The following AKR1C8 variants were observed in gnomAD, a reference collection of about 807,000 sequenced individuals.
AKR1C8 encodes aldo-keto reductase family 1 member C8.
At chr10:5,139,833 A>G in the AKR1C8 span, among the ~76,000 whole-genome samples, 1 of 152,202 alleles carries the variant, frequency 6.6e-6, no homozygotes, top group African/African-American at 2.4e-5. Context: ...GCACAGCAAA[A>G]GGAACTACCA....
At chr10:5,153,020 C>T in the AKR1C8 span, among the ~76,000 whole-genome samples, 9 of 152,004 alleles carry the variant, frequency 5.9e-5, no homozygotes, top group Non-Finnish European at 1.2e-4. Context: ...ATCAAATATG[C>T]AGCAATGTTA....
chr10:5,162,756 G>A, the AKR1C8 span: 6 of 382,396 alleles, frequency 1.6e-5, no homozygotes, highest in East Asian at 5.9e-5. Context: ...AATATTAGGA[G>A]GTAAATAAAG....
chr10:5,117,756 G>C, the AKR1C8 span, among the ~76,000 whole-genome samples: 1 of 152,010 alleles, frequency 6.6e-6, no homozygotes, highest in Non-Finnish European at 1.5e-5. Flanking sequence ...TTCACAGAGT[G>C]AGAGAGGAAA....
chr10:5,166,307 CA>C, the AKR1C8 span, among the ~76,000 whole-genome samples: 3 of 151,976 alleles, frequency 2.0e-5, no homozygotes, highest in African/African-American at 7.3e-5. Flanking sequence ...CATATGGAAC[CA>C]AAAAAGAGCC....
chr10:5,155,491 A>C, the AKR1C8 span: 1 of 287,646 alleles, frequency 3.5e-6, no homozygotes, highest in South Asian at 3.4e-5. Flanking sequence ...ACTTACAGAC[A>C]CATTTCTGCT....
At chr10:5,148,463 A>G in the AKR1C8 span, among the ~76,000 whole-genome samples, 1 of 152,154 alleles carries the variant, frequency 6.6e-6, no homozygotes, top group South Asian at 2.1e-4. Context: ...AAGTCACAGT[A>G]AGATCTTTGA....
chr10:5,174,066 G>A, the AKR1C8 span, among the ~76,000 whole-genome samples: 1 of 151,730 alleles, frequency 6.6e-6, no homozygotes, highest in African/African-American at 2.4e-5. Flanking sequence ...AAGAATTAGA[G>A]TCAGATAAAT....
chr10:5,120,175 A>C, the AKR1C8 span, among the ~76,000 whole-genome samples: 1 of 152,222 alleles, frequency 6.6e-6, no homozygotes, highest in Non-Finnish European at 1.5e-5. Flanking sequence ...TTCCTGCTGC[A>C]GATAACTAGC....
the AKR1C8 span, among the ~76,000 whole-genome samples, chr10:5,148,337 T>C: frequency 2.6e-5 from 4 of 152,134 alleles, no homozygotes; most frequent in Non-Finnish European, 5.9e-5. Context: ...ATAACACTCA[T>C]GTGCCTCAAA....
At chr10:5,154,124 G>T in the AKR1C8 span, 7 of 468,840 alleles carry the variant, frequency 1.5e-5, no homozygotes, top group African/African-American at 1.2e-4. Context: ...TGGTGGTAAT[G>T]TTCAATAGCT....
the AKR1C8 span, among the ~76,000 whole-genome samples, chr10:5,166,636 T>C: frequency 2.6e-5 from 4 of 152,164 alleles, no homozygotes; most frequent in African/African-American, 4.8e-5. Context: ...CAAAAATTAA[T>C]TTAAGATGGG....
the AKR1C8 span, among the ~76,000 whole-genome samples, chr10:5,120,296 C>A: frequency 6.6e-6 from 1 of 152,120 alleles, no homozygotes; most frequent in Admixed American, 6.5e-5. Context: ...TGGCTCTCAG[C>A]TCTGAAGGCT....
the AKR1C8 span, among the ~76,000 whole-genome samples, chr10:5,134,276 A>G: frequency 6.6e-6 from 1 of 152,150 alleles, no homozygotes; most frequent in Admixed American, 6.6e-5. Context: ...TTTCATTACA[A>G]AGTAAACCGC....
chr10:5,116,417 A>G, the AKR1C8 span, among the ~76,000 whole-genome samples: 128,385 of 151,986 alleles, frequency 0.84, 54,252 homozygotes, highest in Middle Eastern at 0.91. Flanking sequence ...GATCACTAGG[A>G]GTTATGCTGA....
At chr10:5,123,191 A>C in the AKR1C8 span, 1 of 161,884 alleles carries the variant, frequency 6.2e-6, no homozygotes, top group Non-Finnish European at 1.5e-5. Context: ...GACTTAGTCC[A>C]ACAGTATCCT....
chr10:5,138,276 C>A, the AKR1C8 span, among the ~76,000 whole-genome samples: 1 of 152,058 alleles, frequency 6.6e-6, no homozygotes, highest in Non-Finnish European at 1.5e-5. Context: ...CGTTTATAGA[C>A]CTCACCCCAG....
the AKR1C8 span, among the ~76,000 whole-genome samples, chr10:5,171,969 C>T: frequency 2.0e-5 from 3 of 152,130 alleles, no homozygotes; most frequent in African/African-American, 7.2e-5. Flanking sequence ...ATACATGTTA[C>T]AGTGTTAACT....
the AKR1C8 span, among the ~76,000 whole-genome samples, chr10:5,137,955 AAGAT>A: frequency 6.6e-6 from 1 of 152,106 alleles, no homozygotes; most frequent in Non-Finnish European, 1.5e-5. Flanking sequence ...GGGTCTAAGA[AAGAT>A]CACATGCTTC....
At chr10:5,154,140 T>C in the AKR1C8 span, 1 of 470,138 alleles carries the variant, frequency 2.1e-6, no homozygotes, top group Non-Finnish European at 4.4e-6. Flanking sequence ...TAGCTCATGG[T>C]CAATATTCTT....
Sources: allele counts gnomAD v4.1 joint callset (sites outside exome capture counted in the v4.1 genomes callset), GRCh38; gene constraint gnomAD v4.1.1; transcripts MANE v1.5; gene names NCBI Gene and HGNC (gene_info 2026-07-23, HGNC 2026-07-21).